The following SEZ6L2 variants were observed in gnomAD, a reference collection of about 807,000 sequenced individuals.
SEZ6L2 encodes the protein seizure 6-like protein 2.
SEZ6L2 carries 44 observed loss-of-function variants against 97.0 expected under a neutral mutation model. That is an observed-to-expected ratio of 0.45 (90% CI 0.36 to 0.58). The LOEUF is 0.58. SEZ6L2 is among the 20% of genes least tolerant of loss of function. The probability of loss-of-function intolerance (pLI) is 0.00; values close to 1 mark genes in which losing one functional copy is unlikely to be tolerated. For synonymous variants in SEZ6L2, 543 were observed against 546.1 expected (o/e 0.99, Z 0.08); for missense variants, 1,086 against 1,233.3 (o/e 0.88, Z 1.79).
chr16:29,888,106 C>T (rs1001815697), intron 6 of SEZ6L2, among the ~76,000 whole-genome samples: 1 of 152,066 alleles, frequency 6.6e-6, no homozygotes, highest in Non-Finnish European at 1.5e-5. Flanking sequence ...TGGGGAGTTA[C>T]AAGGATCCCT....
chr16:29,893,821 A>AT (rs1310757277), intron 5 of SEZ6L2, among the ~76,000 whole-genome samples: 1 of 152,034 alleles, frequency 6.6e-6, no homozygotes, highest in African/African-American at 2.4e-5. Flanking sequence ...AAGTAATAGC[A>AT]GTGACTGACA....
intron 2 of SEZ6L2, 147 bp from the exon 3 acceptor site, chr16:29,897,268 C>T (rs1289593412): frequency 4.4e-6 from 3 of 679,298 alleles, no homozygotes; most frequent in Non-Finnish European, 7.1e-6. Flanking sequence ...TTTCCCTTCC[C>T]CACCCCAGCC....
chr16:29,888,686 T>C lies in SEZ6L2; in HGVS notation c.893A>G (p.His298Arg). 2 of 1,613,640 alleles carry C rather than the reference T, an allele frequency of 1.2e-6. No individual in the cohort carries two copies. The highest frequency in any genetic ancestry group is 8.5e-7 in the Non-Finnish European group (1 of 1,179,806). The change falls in exon 6 of 18, where the codon CAT (histidine) becomes CGT (arginine). Residue 298 changes from histidine to arginine, a missense_variant. Transcript: ENST00000617533. ...LSCGFPPRPAHGDVSVTDLHP... is the reference protein window; with the variant it reads ...LSCGFPPRPARGDVSVTDLHP... ...CAGGTCCGTCACACTCACGTCCCCA[T>C]GGGCCGGCCGGGGAGGGAAGCCACA... is the stretch of plus-strand genomic sequence containing the variant.
rs199617223 is a variant in SEZ6L2 at position 29,897,069 on chromosome 16, T to A, written c.264A>T (p.Ala88=). 17 of 1,581,132 alleles carry A rather than the reference T, an allele frequency of 1.1e-5. No individual in the cohort carries two copies. In the East Asian group the frequency reaches 3.4e-4, roughly 32 times the overall value. The change falls in exon 3 of 18, where the codon GCA becomes GCT. Residue 88 remains alanine, a synonymous_variant. Coordinates refer to ENST00000617533, the MANE Select transcript of SEZ6L2 (RefSeq NM_001243332.2). ...LATPPAGQTL[A]VPSLPRATEP... ...CAGTGGCCCGTGGCAGGGAGGGCACTGCGAGAGTCTGGCCGGCCGGAGGGG... is the reference window on the plus strand; with the variant it reads ...CAGTGGCCCGTGGCAGGGAGGGCACAGCGAGAGTCTGGCCGGCCGGAGGGG...
intron 5 of SEZ6L2, among the ~76,000 whole-genome samples, chr16:29,890,842 G>T (rs112011829): frequency 6.8e-6 from 1 of 146,614 alleles, no homozygotes; most frequent in East Asian, 2.1e-4. Flanking sequence ...TTTACCTCCC[G>T]GGTTCAAGTA....
intron 5 of SEZ6L2, 71 bp downstream of exon 5, chr16:29,895,178 CAAAAAAAAAA>C: frequency 1.8e-6 from 1 of 568,100 alleles, no homozygotes. Context: ...GACTCTGTCT[CAAAAAAAAAA>C]AAAAAAAAAA....
chr16:29,872,084 A>G, intron 17 of SEZ6L2, 103 bp downstream of exon 17: 1 of 945,476 alleles, frequency 1.1e-6, no homozygotes, highest in East Asian at 2.5e-5. Context: ...GGGGCAGCTG[A>G]GTTTGAAATT....
chr16:29,885,461 G>T, intron 8 of SEZ6L2, 125 bp downstream of exon 8: 2 of 1,039,086 alleles, frequency 1.9e-6, no homozygotes, highest in Non-Finnish European at 1.4e-6. Context: ...AGGGAAGCGA[G>T]TCACGTTTCA....
intron 1 of SEZ6L2, among the ~76,000 whole-genome samples, 189 bp from the exon 2 acceptor site, chr16:29,898,173 C>T (rs2068448364): frequency 6.6e-6 from 1 of 152,200 alleles, no homozygotes; most frequent in African/African-American, 2.4e-5. Flanking sequence ...CACTCCCACA[C>T]CTCTTCTCTC....
intron 16 of SEZ6L2, 29 bp downstream of exon 16, chr16:29,872,380 G>T: frequency 6.2e-7 from 1 of 1,610,334 alleles, no homozygotes; most frequent in African/African-American, 1.3e-5. Flanking sequence ...CGTCTGCCCT[G>T]GCCGGCAGTC....
At chr16:29,879,049 C>G (rs545154966) in intron 9 of SEZ6L2, among the ~76,000 whole-genome samples, 1 of 148,076 alleles carries the variant, frequency 6.8e-6, no homozygotes, top group Non-Finnish European at 1.5e-5. Flanking sequence ...ATTACAGGCA[C>G]GCACTACCAT....
At chr16:29,892,900 T>TAC (rs79237755) in intron 5 of SEZ6L2, among the ~76,000 whole-genome samples, 8,775 of 152,312 alleles carry the variant, frequency 0.058, 374 homozygotes, top group Middle Eastern at 0.13. Context: ...AGCATGGATG[T>TAC]ACACACATGT....
intron 5 of SEZ6L2, among the ~76,000 whole-genome samples, 174 bp downstream of exon 5, chr16:29,895,084 CA>C (rs1434246916): frequency 6.7e-6 from 1 of 149,136 alleles, no homozygotes; most frequent in African/African-American, 2.5e-5. Flanking sequence ...GAGGCTGAGG[CA>C]GGAGAATGGC....
chr16:29,882,162 G>A (rs1315520616), intron 8 of SEZ6L2, among the ~76,000 whole-genome samples: 1 of 151,570 alleles, frequency 6.6e-6, no homozygotes, highest in Non-Finnish European at 1.5e-5. Context: ...GTAGAAATGG[G>A]GCTTTGCCAT....
At position 29,879,848 on chromosome 16, in the gene SEZ6L2, G is replaced by A. The variant is rs762086810; in HGVS notation, c.1573+16C>T. The A allele has an allele frequency of 1.3e-5, 20 of 1,575,378 alleles. No homozygotes were observed. Among genetic ancestry groups the A allele is most frequent in the Middle Eastern group, 1.7e-4 (1 of 5,760 alleles). On this transcript the variant is annotated intron_variant, in intron 9 of 17. Coordinates refer to ENST00000617533, the MANE Select transcript of SEZ6L2 (RefSeq NM_001243332.2). ...AACGTGGACTGAAGGACATGCCTGC[G>A]ACAAGGAAGGCTCACCTTTGCAGGC...
At chr16:29,878,894 C>T (rs577798589) in intron 9 of SEZ6L2, among the ~76,000 whole-genome samples, 7 of 145,266 alleles carry the variant, frequency 4.8e-5, no homozygotes, top group Non-Finnish European at 7.6e-5. Context: ...CGTGAGCCAC[C>T]AGGTCCAGCC....
At chr16:29,894,340 C>G (rs377199672) in intron 5 of SEZ6L2, among the ~76,000 whole-genome samples, 2 of 152,270 alleles carry the variant, frequency 1.3e-5, no homozygotes, top group East Asian at 1.9e-4. Flanking sequence ...AATTCCTTCA[C>G]CTCATCTGGG....
chr16:29,896,642 C>A (rs1018217094), intron 3 of SEZ6L2, among the ~76,000 whole-genome samples, 180 bp downstream of exon 3: 1 of 152,206 alleles, frequency 6.6e-6, no homozygotes, highest in Non-Finnish European at 1.5e-5. Flanking sequence ...TGTTATATAG[C>A]TGAAACAATT....
rs1287772020 is a variant in SEZ6L2, at chr16:29,876,574, C to G, written c.2104+182G>C. On this transcript the variant is annotated intron_variant, in intron 12 of 17. Coordinates refer to ENST00000617533, the MANE Select transcript of SEZ6L2 (RefSeq NM_001243332.2). This position sits in a 1 kb window ranked among gnomAD's most constrained non-coding sequence, Gnocchi z 6.5. ...GAGGGAGACCCAGAGGGGACAGTTT[C>G]GGGGAACCGGGCGGAGGAGTGAGAA... Among the ~76,000 whole-genome samples, 1 of 151,932 alleles carries G rather than the reference C, an allele frequency of 6.6e-6. No homozygotes were observed. The highest frequency in any genetic ancestry group is 1.9e-4 in the East Asian group (1 of 5,170).
Sources: allele counts gnomAD v4.1 joint callset (sites outside exome capture counted in the v4.1 genomes callset), GRCh38; gene constraint gnomAD v4.1.1; non-coding constraint Gnocchi (gnomAD v3.1); transcripts MANE v1.5; gene names NCBI Gene and HGNC (gene_info 2026-07-23, HGNC 2026-07-21).